CDH2: variants seen among roughly 807,000 people sequenced by gnomAD.
CDH2 encodes cadherin-2.
Under a neutral mutation model 92.0 loss-of-function variants are expected in CDH2, and 17 were observed. That is an observed-to-expected ratio of 0.18 (90% CI 0.13 to 0.28). The LOEUF is 0.28. CDH2 is among the 10% of genes least tolerant of loss of function. The probability of loss-of-function intolerance (pLI) is 1.00; values close to 1 mark genes in which losing one functional copy is unlikely to be tolerated. For synonymous variants in CDH2, 419 were observed against 415.9 expected (o/e 1.01, Z -0.09); for missense variants, 862 against 1,133.1 (o/e 0.76, Z 3.44).
Position 28,147,702 on chromosome 18 carries a change from T to C in CDH2, c.143A>G (p.Asp48Gly). 1 of 1,609,652 alleles carries C rather than the reference T, an allele frequency of 6.2e-7. No homozygotes were observed. The highest frequency in any genetic ancestry group is 8.5e-7 in the Non-Finnish European group (1 of 1,176,524). Residue 48 changes from aspartate to glycine, a missense_variant, in exon 2 of 16, where the codon GAT (aspartate) becomes GGT (glycine). Around this residue, in one of 5 missense-constraint regions of CDH2, gnomAD observed 159 missense variants for 177.2 expected, o/e 0.90. Coordinates refer to ENST00000269141, the MANE Select transcript of CDH2 (RefSeq NM_001792.5). Reference protein sequence around the residue: ...EDVYSAVLSKDVHEGQPLLNV... With the variant: ...EDVYSAVLSKGVHEGQPLLNV... ...GAGAAGAGGCTGTCCTTCATGCACA[T>C]CCTTCGATAAGACTGCACTGTAAAC...
rs913131002 is a variant in CDH2 at position 28,175,578 on chromosome 18, G to A, written c.60+1385C>T. Among the ~76,000 whole-genome samples, 5 of 152,252 alleles carry A rather than the reference G, an allele frequency of 3.3e-5. No individual in the cohort carries two copies. The East Asian group carries it at 9.7e-4, about 30-fold the overall frequency. Reference sequence around the variant, plus strand: ...GTTGCGGGAGAAAGCGCGAGAGACTGCGGAGGCCAGCCCCGTCCAGCCCCT... The same window carrying A: ...GTTGCGGGAGAAAGCGCGAGAGACTACGGAGGCCAGCCCCGTCCAGCCCCT... On this transcript the variant is annotated intron_variant, in intron 1 of 15. Transcript: ENST00000269141.
At chr18:28,157,704 T>C (rs2016241689) in intron 1 of CDH2, among the ~76,000 whole-genome samples, 1 of 152,106 alleles carries the variant, frequency 6.6e-6, no homozygotes, top group Non-Finnish European at 1.5e-5. Context: ...TAATAAACTT[T>C]CTCCTAAAAT....
chr18:27,958,557 T>G (rs1483864961), intron 15 of CDH2, among the ~76,000 whole-genome samples: 1 of 149,776 alleles, frequency 6.7e-6, no homozygotes, highest in African/African-American at 2.4e-5. Context: ...ACGTGTATAT[T>G]TATATATGTG....
chr18:27,980,538 T>C (rs1395137967), intron 14 of CDH2, among the ~76,000 whole-genome samples: 1 of 152,080 alleles, frequency 6.6e-6, no homozygotes, highest in Non-Finnish European at 1.5e-5. Context: ...AAAAATTAGA[T>C]GCATAAAAAC....
intron 15 of CDH2, among the ~76,000 whole-genome samples, chr18:27,959,788 C>A (rs913202656): frequency 6.6e-6 from 1 of 152,128 alleles, no homozygotes; most frequent in Non-Finnish European, 1.5e-5. Flanking sequence ...ACTCTAGGGG[C>A]ATTTCTAGCT....
intron 11 of CDH2, among the ~76,000 whole-genome samples, chr18:27,987,088 A>G (rs2012258982): frequency 3.3e-5 from 5 of 152,204 alleles, no homozygotes; most frequent in Admixed American, 2.0e-4. Flanking sequence ...AGCCCTTTCA[A>G]TTAGAAAACA....
intron 2 of CDH2, among the ~76,000 whole-genome samples, chr18:28,081,273 T>C (rs1017866146): frequency 6.6e-6 from 1 of 152,200 alleles, no homozygotes; most frequent in Non-Finnish European, 1.5e-5. Flanking sequence ...ATGTTAGTGA[T>C]TCTCCCTAGC....
chr18:27,959,382 C>T (rs2011339333), intron 15 of CDH2: 4 of 152,158 alleles, frequency 2.6e-5, no homozygotes, highest in Non-Finnish European at 5.9e-5. Flanking sequence ...AAAAGCACTC[C>T]AATTATAATC....
At chr18:28,022,854 C>G (rs932093052) in intron 2 of CDH2, among the ~76,000 whole-genome samples, 2 of 152,006 alleles carry the variant, frequency 1.3e-5, no homozygotes, top group African/African-American at 4.8e-5. Context: ...TGCTTTATAT[C>G]TATAAACTCT....
chr18:28,045,417 G>C (rs746824431), intron 2 of CDH2: 1 of 468,542 alleles, frequency 2.1e-6, no homozygotes, highest in South Asian at 1.6e-5. Flanking sequence ...CTACTCCTTT[G>C]AGTGTTACAC....
chr18:27,966,913 A>ATACT (rs931018222), intron 14 of CDH2, among the ~76,000 whole-genome samples: 10 of 152,298 alleles, frequency 6.6e-5, no homozygotes, highest in African/African-American at 2.4e-4. Context: ...CTCAGTGATG[A>ATACT]TACTTATGCC....
intron 6 of CDH2, among the ~76,000 whole-genome samples, chr18:27,935,017 C>T (rs983393840): frequency 2.0e-5 from 3 of 152,136 alleles, no homozygotes; most frequent in Non-Finnish European, 2.9e-5. Flanking sequence ...TTTACTTGAC[C>T]ATTCCCAGAA....
Position 28,011,787 on chromosome 18 carries a change from A to C in CDH2, c.546+59T>G. 8 of 1,514,446 alleles carry C rather than the reference A, an allele frequency of 5.3e-6. No individual in the cohort carries two copies. The East Asian group carries it at 1.8e-4, about 34-fold the overall frequency. 93.8% of individuals were successfully genotyped at this position (1,514,446 alleles called of 1,614,324 possible). A position where few individuals can be genotyped will look rare whatever the true frequency, so the allele number is the denominator to read the frequency against. ...TACTTTGTAAAAAAAATAGACAGAAATATTTTTAACATACATTTGTCTTGT... is the reference window on the plus strand; with the variant it reads ...TACTTTGTAAAAAAAATAGACAGAACTATTTTTAACATACATTTGTCTTGT... On this transcript the variant is annotated intron_variant, in intron 4 of 15. Coordinates refer to ENST00000269141, the MANE Select transcript of CDH2 (RefSeq NM_001792.5).
intron 10 of CDH2, 33 bp downstream of exon 10, chr18:27,990,064 A>T: frequency 6.3e-7 from 1 of 1,598,084 alleles, no homozygotes; most frequent in Non-Finnish European, 8.6e-7. Context: ...AACATAAGTA[A>T]GCTACAAAAA....
chr18:28,164,403 T>TA (rs1277418522), intron 1 of CDH2, among the ~76,000 whole-genome samples: 1 of 152,112 alleles, frequency 6.6e-6, no homozygotes, highest in African/African-American at 2.4e-5. Flanking sequence ...TAGTAATTAC[T>TA]AAAAAAATGA....
intron 2 of CDH2, among the ~76,000 whole-genome samples, chr18:28,144,960 G>C (rs2016012660): frequency 6.6e-6 from 1 of 152,020 alleles, no homozygotes. Context: ...TTAAACCACA[G>C]TCCAGTTTGT....
intron 2 of CDH2, among the ~76,000 whole-genome samples, chr18:28,046,137 T>G (rs982879364): frequency 6.6e-6 from 1 of 152,164 alleles, no homozygotes; most frequent in Admixed American, 6.5e-5. Flanking sequence ...GACCCTTAAA[T>G]GACAATTTGA....
At chr18:27,967,699 T>C (rs2011563772) in intron 14 of CDH2, among the ~76,000 whole-genome samples, 1 of 152,224 alleles carries the variant, frequency 6.6e-6, no homozygotes, top group Non-Finnish European at 1.5e-5. Context: ...AAAGTAGGCA[T>C]GGAATTTGGG....
chr18:28,141,533 T>C (rs1237521663), intron 2 of CDH2, among the ~76,000 whole-genome samples: 2 of 152,012 alleles, frequency 1.3e-5, no homozygotes, highest in African/African-American at 4.8e-5. Context: ...CAATAAATTA[T>C]TATTTTTTAA....
Sources: allele counts gnomAD v4.1 joint callset (sites outside exome capture counted in the v4.1 genomes callset), GRCh38; gene constraint gnomAD v4.1.1; regional missense constraint gnomAD v4.1.1; transcripts MANE v1.5; gene names NCBI Gene and HGNC (gene_info 2026-07-23, HGNC 2026-07-21).